IQCM: variants seen among roughly 807,000 people sequenced by gnomAD.
The protein encoded by IQCM is IQ motif containing M, also known as IQ domain-containing protein M.
Under a neutral mutation model 57.6 loss-of-function variants are expected in IQCM, and 45 were observed. That is an observed-to-expected ratio of 0.78 (90% confidence interval 0.62 to 1.00). The LOEUF is 1.00. Among genes scored for constraint, IQCM ranks in the 50% least tolerant of loss-of-function variants. IQCM has a pLI of 0.00. For missense variants in IQCM, 468 were observed against 511.6 expected, an observed-to-expected ratio of 0.91 and a Z score of 0.82; for synonymous variants, 148 against 158.9, an observed-to-expected ratio of 0.93 and a Z score of 0.51.
chr4:149,810,890 A>G (rs1724204283), intron 2 of IQCM, among the ~76,000 whole-genome samples: 1 of 152,182 alleles, frequency 6.6e-6, no homozygotes, highest in Non-Finnish European at 1.5e-5. Context: ...CCAAGTTTGT[A>G]TGAATGATAT....
At chr4:149,660,430 C>A (rs1760076308) in intron 7 of IQCM, among the ~76,000 whole-genome samples, 1 of 151,464 alleles carries the variant, frequency 6.6e-6, no homozygotes, top group East Asian at 1.9e-4. Context: ...GTGGCGATTC[C>A]TCAGGGATCT....
At chr4:149,770,193 T>C (rs960168633) in intron 2 of IQCM, among the ~76,000 whole-genome samples, 14 of 151,540 alleles carry the variant, frequency 9.2e-5, no homozygotes, top group African/African-American at 3.4e-4. Context: ...AATAACTTTA[T>C]GTCAAAAAAA....
At chr4:149,380,255 T>C (rs1375539888) in intron 13 of IQCM, among the ~76,000 whole-genome samples, 2 of 152,066 alleles carry the variant, frequency 1.3e-5, no homozygotes, top group Non-Finnish European at 2.9e-5. Flanking sequence ...AAAAGATTAT[T>C]GTATTAGCAA....
Position 149,801,048 on chromosome 4 carries a change from C to T in IQCM, c.-49+14263G>A, listed in dbSNP as rs79182611. Reference sequence around the variant, plus strand: ...AGTTATCCTTTGGGCATTTTTGGGGCAAAATATTTGGGGGCAAAGTTTTTG... The same window carrying T: ...AGTTATCCTTTGGGCATTTTTGGGGTAAAATATTTGGGGGCAAAGTTTTTG... On this transcript the variant is annotated intron_variant, in intron 2 of 13. Transcript: ENST00000636793. Among the ~76,000 whole-genome samples, 877 of 151,676 alleles carry T rather than the reference C, an allele frequency of 5.8e-3. 9 individuals carry two copies. Among genetic ancestry groups the T allele is most frequent in the African/African-American group, 0.013 (526 of 41,460 alleles).
intron 12 of IQCM, among the ~76,000 whole-genome samples, chr4:149,462,291 G>C (rs1738385594): frequency 6.6e-6 from 1 of 152,168 alleles, no homozygotes. Context: ...AATGCAAGAA[G>C]AGGGGCTTTT....
chr4:149,421,308 A>G (rs1057142854), intron 13 of IQCM, among the ~76,000 whole-genome samples: 2 of 151,994 alleles, frequency 1.3e-5, no homozygotes, highest in East Asian at 3.9e-4. Context: ...TATTTTTTGC[A>G]CAGATATGTG....
intron 5 of IQCM, among the ~76,000 whole-genome samples, chr4:149,713,369 G>C (rs75304937): frequency 6.6e-6 from 1 of 152,082 alleles, no homozygotes; most frequent in African/African-American, 2.4e-5. Flanking sequence ...CATCTTGTTT[G>C]AGAAAACACA....
intron 12 of IQCM, among the ~76,000 whole-genome samples, chr4:149,524,254 A>G (rs991960751): frequency 3.3e-5 from 5 of 152,100 alleles, no homozygotes; most frequent in Non-Finnish European, 7.4e-5. Context: ...GGAGTGGTGT[A>G]CTGACTGAGG....
At chr4:149,407,168 C>A (rs115105445) in intron 13 of IQCM, among the ~76,000 whole-genome samples, 1 of 152,038 alleles carries the variant, frequency 6.6e-6, no homozygotes, top group East Asian at 1.9e-4. Flanking sequence ...AATTATCCCC[C>A]CCCAGGTCCC....
At chr4:149,613,722 C>T (rs1200496189) in intron 8 of IQCM, among the ~76,000 whole-genome samples, 3 of 151,972 alleles carry the variant, frequency 2.0e-5, no homozygotes, top group African/African-American at 4.8e-5. Flanking sequence ...CTCCCCGCTC[C>T]CCCCACCCCA....
intron 2 of IQCM, among the ~76,000 whole-genome samples, chr4:149,764,390 T>C (rs1358241907): frequency 6.6e-6 from 1 of 152,188 alleles, no homozygotes; most frequent in Non-Finnish European, 1.5e-5. Flanking sequence ...TCTATTCTTC[T>C]GAGAGCAGCT....
At chr4:149,405,871 C>CATATATATATATATCTTCATATAT (rs1553960963) in intron 13 of IQCM, among the ~76,000 whole-genome samples, 10 of 94,016 alleles carry the variant, frequency 1.1e-4, no homozygotes, top group African/African-American at 4.1e-4. Context: ...TATCTCTCTC[C>CATATATATATATATCTTCATATAT]ATATATATAT....
chr4:149,458,009 TGAACA>T (rs1737882884), intron 12 of IQCM, among the ~76,000 whole-genome samples: 1 of 151,870 alleles, frequency 6.6e-6, no homozygotes, highest in Non-Finnish European at 1.5e-5. Flanking sequence ...TCAACAAAGT[TGAACA>T]TAAAAGAAGC....
intron 5 of IQCM, among the ~76,000 whole-genome samples, chr4:149,726,171 A>G (rs1282400679): frequency 6.6e-6 from 1 of 152,154 alleles, no homozygotes; most frequent in Non-Finnish European, 1.5e-5. Flanking sequence ...TCATTTTTTC[A>G]TAGCAAACTA....
chr4:149,548,329 A>G, intron 12 of IQCM, 126 bp downstream of exon 12: 1 of 759,436 alleles, frequency 1.3e-6, no homozygotes, highest in Non-Finnish European at 1.8e-6. Flanking sequence ...CACTTACACA[A>G]AAAGTTTAGT....
chr4:149,535,667 G>A (rs1013802469), intron 12 of IQCM, among the ~76,000 whole-genome samples: 11 of 152,136 alleles, frequency 7.2e-5, no homozygotes, highest in African/African-American at 2.6e-4. Context: ...CTCTTGTTAA[G>A]TAATATTACA....
At chr4:149,467,174 C>G (rs1383609684) in intron 12 of IQCM, among the ~76,000 whole-genome samples, 1 of 152,148 alleles carries the variant, frequency 6.6e-6, no homozygotes, top group Non-Finnish European at 1.5e-5. Context: ...AACACCTTTT[C>G]AGGAAACCAC....
intron 12 of IQCM, among the ~76,000 whole-genome samples, chr4:149,440,548 G>A (rs1360940942): frequency 6.6e-6 from 1 of 151,988 alleles, no homozygotes; most frequent in Non-Finnish European, 1.5e-5. Flanking sequence ...AACAAGCTTA[G>A]CTTTATGCAT....
intron 2 of IQCM, among the ~76,000 whole-genome samples, chr4:149,782,740 C>T (rs368668025): frequency 1.3e-5 from 2 of 150,840 alleles, no homozygotes; most frequent in East Asian, 3.9e-4. Context: ...GTAACTGATA[C>T]CTTTAAAAAA....
Sources: gnomAD v4.1 joint callset for allele counts (sites outside exome capture counted in the v4.1 genomes callset) on GRCh38, gnomAD v4.1.1 for gene constraint, MANE v1.5 for transcripts, NCBI Gene and HGNC (gene_info 2026-07-23, HGNC 2026-07-21) for gene names.